The following RYR2 variants were observed in gnomAD, a reference collection of about 807,000 sequenced individuals.
RYR2 encodes cardiac muscle ryanodine receptor-calcium release channel.
RYR2 carries 227 observed loss-of-function variants against 601.1 expected under a neutral mutation model. The observed-to-expected ratio is 0.38, with a 90% CI of 0.34 to 0.42. RYR2 has a LOEUF of 0.42. RYR2 is among the 10% of genes least tolerant of loss of function. The pLI, the probability that RYR2 is intolerant of heterozygous loss-of-function variation, is 1.00. For synonymous variants in RYR2, 2,223 were observed against 2,175.1 expected, an observed-to-expected ratio of 1.02 and a Z score of -0.61; for missense variants, 4,646 against 6,156.5, an observed-to-expected ratio of 0.75 and a Z score of 8.21.
chr1:237,357,838 G>A (rs957119757), intron 4 of RYR2, among the ~76,000 whole-genome samples: 9 of 152,216 alleles, frequency 5.9e-5, no homozygotes, highest in African/African-American at 2.2e-4. Context: ...TTACTATCAT[G>A]TCAGTGCTAA....
Position 237,586,742 on chromosome 1 carries a change from C to T in RYR2, c.3599-3051C>T, listed in dbSNP as rs183468110. ...TCTTTTTTTTTTCTTTTTTTTGAGACGGAGTCTTGCTCTGTCGCCCAGGCT... is the reference window on the plus strand; with the variant it reads ...TCTTTTTTTTTTCTTTTTTTTGAGATGGAGTCTTGCTCTGTCGCCCAGGCT... On this transcript the variant is annotated intron_variant, in intron 29 of 104. Coordinates refer to ENST00000366574, the MANE Select transcript of RYR2 (RefSeq NM_001035.3). 1.6e-3 allele frequency among the ~76,000 whole-genome samples: 240 copies of T among 151,424 alleles called. 1 individual carries two copies. The highest frequency in any genetic ancestry group is 5.2e-3 in the African/African-American group (214 of 41,264).
rs192284159 is a variant in RYR2, at chr1:237,393,906, G to A, written c.773+5723G>A. ...TGGGTAAAATGACTGCTTCAAAAAC[G>A]TGGGCTTCTAACACAAGATTAAAAA... On this transcript the variant is annotated intron_variant, in intron 10 of 104. Coordinates refer to ENST00000366574, the MANE Select transcript of RYR2 (RefSeq NM_001035.3). 1.1e-3 allele frequency among the ~76,000 whole-genome samples: 168 copies of A among 152,280 alleles called. 1 individual carries two copies. The Middle Eastern group carries it at 0.014, about 12-fold the overall frequency.
At chr1:237,771,927 A>G (rs1694303025) in intron 85 of RYR2, 85 bp from the exon 86 acceptor site, 1 of 730,722 alleles carries the variant, frequency 1.4e-6, no homozygotes, top group Non-Finnish European at 2.4e-6. Flanking sequence ...ATTTTGCCAT[A>G]GAAAGCATTT....
intron 80 of RYR2, 59 bp from the exon 81 acceptor site, chr1:237,756,229 G>T: frequency 8.8e-7 from 1 of 1,135,902 alleles, no homozygotes. Flanking sequence ...AATATGGTCT[G>T]TAGAAATCTG....
intron 1 of RYR2, among the ~76,000 whole-genome samples, chr1:237,105,264 A>G (rs556582137): frequency 6.6e-6 from 1 of 152,306 alleles, no homozygotes; most frequent in African/African-American, 2.4e-5. Flanking sequence ...TGGGGCTGAG[A>G]GTCTGGTGGG....
intron 99 of RYR2, among the ~76,000 whole-genome samples, 177 bp from the exon 100 acceptor site, chr1:237,808,724 G>A (rs766674749): frequency 2.6e-4 from 39 of 151,780 alleles, no homozygotes; most frequent in Non-Finnish European, 5.6e-4. Flanking sequence ...AAGAGAATAT[G>A]AAAATAAATG....
At chr1:237,532,608 C>A (rs1416260150) in intron 25 of RYR2, among the ~76,000 whole-genome samples, 1 of 151,738 alleles carries the variant, frequency 6.6e-6, no homozygotes, top group Non-Finnish European at 1.5e-5. Flanking sequence ...AACCAAAAAC[C>A]AAAAAACAAC....
intron 1 of RYR2, among the ~76,000 whole-genome samples, chr1:237,067,387 G>T (rs1448682254): frequency 2.6e-5 from 4 of 152,208 alleles, no homozygotes; most frequent in African/African-American, 4.8e-5. Flanking sequence ...AGCAGCATTT[G>T]TTGAAAAGAT....
At chr1:237,119,434 G>A (rs956739302) in intron 1 of RYR2, among the ~76,000 whole-genome samples, 5 of 152,258 alleles carry the variant, frequency 3.3e-5, no homozygotes, top group Admixed American at 6.5e-5. Context: ...ATGTGTGTGC[G>A]TGTGTGTGCG....
chr1:237,107,348 C>T (rs996419219), intron 1 of RYR2, among the ~76,000 whole-genome samples: 4 of 150,840 alleles, frequency 2.7e-5, no homozygotes, highest in South Asian at 4.2e-4. Context: ...GGTGAAACCC[C>T]GTCTCTACTA....
chr1:237,401,343 C>G (rs1703328488), intron 10 of RYR2, among the ~76,000 whole-genome samples: 1 of 152,220 alleles, frequency 6.6e-6, no homozygotes, highest in East Asian at 1.9e-4. Context: ...CTGCCTCTAT[C>G]TCAGATACCA....
At chr1:237,172,299 C>T (rs1022213658) in intron 1 of RYR2, among the ~76,000 whole-genome samples, 4 of 152,132 alleles carry the variant, frequency 2.6e-5, no homozygotes, top group Admixed American at 6.5e-5. Context: ...TCCAGACAGA[C>T]AAGGTTTTAT....
At chr1:237,573,674 T>C (rs1158436515) in intron 29 of RYR2, among the ~76,000 whole-genome samples, 1 of 151,470 alleles carries the variant, frequency 6.6e-6, no homozygotes, top group Non-Finnish European at 1.5e-5. Context: ...TAGCCCAGCG[T>C]GGTGGCGGGC....
At chr1:237,152,108 G>A (rs1457825567) in intron 1 of RYR2, among the ~76,000 whole-genome samples, 1 of 152,030 alleles carries the variant, frequency 6.6e-6, no homozygotes, top group African/African-American at 2.4e-5. Context: ...TGCGGTGTTT[G>A]GTTTTCTGTT....
At chr1:237,826,033 A>G (rs912657384) in intron 101 of RYR2, among the ~76,000 whole-genome samples, 6 of 152,248 alleles carry the variant, frequency 3.9e-5, no homozygotes, top group East Asian at 1.9e-4. Flanking sequence ...TGGAGAGGAT[A>G]TGGAGAAATA....
At chr1:237,832,508 C>A in intron 104 of RYR2, 44 bp from the exon 105 acceptor site, 2 of 1,312,346 alleles carry the variant, frequency 1.5e-6, no homozygotes, top group Non-Finnish European at 2.2e-6. Flanking sequence ...TTTGTTAGCA[C>A]ACACTTTGGG....
chr1:237,656,557 TTTG>T (rs1156764077), intron 53 of RYR2, among the ~76,000 whole-genome samples: 1 of 152,146 alleles, frequency 6.6e-6, no homozygotes, highest in Non-Finnish European at 1.5e-5. Flanking sequence ...GTCTGAGCAT[TTTG>T]TTGTTGTCGT....
chr1:237,357,481 C>G (rs1699403385), intron 4 of RYR2, among the ~76,000 whole-genome samples: 1 of 152,172 alleles, frequency 6.6e-6, no homozygotes, highest in Admixed American at 6.5e-5. Flanking sequence ...CTTTTACTTA[C>G]TTTGTAAATA....
rs751449974 is a variant in RYR2, at chr1:237,617,390, A to G, written c.5820A>G (p.Gln1940=). The G allele has an allele frequency of 6.2e-7, 1 of 1,613,982 alleles. No individual in the cohort carries two copies. Reference sequence around the variant, plus strand: ...TTGTGGCTAAGCTCCAAGACAATCAACGTTTCCGATACAACGAAGTCATGC... The same window carrying G: ...TTGTGGCTAAGCTCCAAGACAATCAGCGTTTCCGATACAACGAAGTCATGC... ...DDFVAKLQDN[Q]RFRYNEVMQA... is the part of the protein sequence containing the mutation. Residue 1940 remains glutamine, a synonymous_variant, in exon 38 of 105, where the codon CAA becomes CAG. Coordinates refer to ENST00000366574, the MANE Select transcript of RYR2 (RefSeq NM_001035.3).
Sources: allele counts gnomAD v4.1 joint callset (sites outside exome capture counted in the v4.1 genomes callset), GRCh38; gene constraint gnomAD v4.1.1; transcripts MANE v1.5; gene names NCBI Gene and HGNC (gene_info 2026-07-23, HGNC 2026-07-21).